Variants in IGSF11 observed in about 807,000 individuals in gnomAD.
IGSF11 encodes the protein immunoglobulin superfamily member 11, also known as CXADR like 1.
A neutral mutation model predicts 41.0 loss-of-function variants in IGSF11; 22 were observed. The observed-to-expected ratio is 0.54, with a 90% CI of 0.38 to 0.77. The LOEUF is 0.77. IGSF11 is among the 30% of genes least tolerant of loss of function. The pLI is 0.00. For missense variants in IGSF11, 444 were observed against 530.8 expected, an observed-to-expected ratio of 0.84 and a Z score of 1.61; for synonymous variants, 219 against 201.3, an observed-to-expected ratio of 1.09 and a Z score of -0.74.
chr3:118,904,726 G>A lies in IGSF11; in HGVS notation c.776C>T (p.Ala259Val). 2 of 1,612,994 alleles carry A rather than the reference G, an allele frequency of 1.2e-6. No homozygotes were observed. Among genetic ancestry groups the A allele is most frequent in the Non-Finnish European group, 1.7e-6 (2 of 1,179,286 alleles). ...GTAAAAGAATGCCCCTAAAATTAGT[G>A]CAATGCAAAAAATGATAATAACTGC... ...TGAVIIIFCI[A>V]LILGAFFYWR... Residue 259 changes from alanine to valine, a missense_variant, in exon 6 of 7, where the codon GCA becomes GTA. Physicochemically the swap from Ala to Val is moderately conservative, Grantham distance 64 (BLOSUM62 0). Coordinates refer to ENST00000393775, the MANE Select transcript of IGSF11 (RefSeq NM_001015887.3).
At chr3:119,130,345 C>G (rs1038401539) in intron 1 of IGSF11, among the ~76,000 whole-genome samples, 3 of 152,214 alleles carry the variant, frequency 2.0e-5, no homozygotes, top group Admixed American at 2.0e-4. Context: ...AATCGGTACA[C>G]TCTTGCCCAA....
At chr3:119,138,491 C>G (rs1351405906) in intron 1 of IGSF11, among the ~76,000 whole-genome samples, 1 of 152,184 alleles carries the variant, frequency 6.6e-6, no homozygotes, top group Admixed American at 6.5e-5. Context: ...TCGAGACCAG[C>G]CTGGCCAACA....
chr3:118,912,730 G>C (rs539495867), intron 4 of IGSF11, among the ~76,000 whole-genome samples: 2 of 152,284 alleles, frequency 1.3e-5, no homozygotes, highest in African/African-American at 4.8e-5. Context: ...AGCATACAAA[G>C]AGCATAAAGT....
chr3:118,997,614 T>G (rs1390333145), intron 1 of IGSF11, among the ~76,000 whole-genome samples: 1 of 141,422 alleles, frequency 7.1e-6, no homozygotes, highest in African/African-American at 2.6e-5. Context: ...TAATCATGAA[T>G]CTTACCTGAC....
intron 4 of IGSF11, among the ~76,000 whole-genome samples, chr3:118,914,090 T>A (rs970397188): frequency 2.6e-5 from 4 of 152,046 alleles, no homozygotes; most frequent in Non-Finnish European, 4.4e-5. Flanking sequence ...TTAAATCAAG[T>A]ATGCATTTGA....
intron 4 of IGSF11, among the ~76,000 whole-genome samples, chr3:118,920,052 T>C (rs867617105): frequency 0.012 from 1,586 of 137,130 alleles, 14 homozygotes; most frequent in Middle Eastern, 0.019. Flanking sequence ...TAGGTGGGAA[T>C]TGAACAATGA....
intron 1 of IGSF11, among the ~76,000 whole-genome samples, chr3:119,046,387 G>GGTAT (rs1458652387): frequency 2.0e-5 from 3 of 152,024 alleles, no homozygotes; most frequent in African/African-American, 7.3e-5. Flanking sequence ...TGGAAGAAAG[G>GGTAT]GTATCAGCAA....
chr3:119,099,612 G>C (rs1282688158), intron 1 of IGSF11, among the ~76,000 whole-genome samples: 1 of 152,198 alleles, frequency 6.6e-6, no homozygotes, highest in Non-Finnish European at 1.5e-5. Flanking sequence ...ATTACAGCTT[G>C]AATTTTGGAA....
intron 1 of IGSF11, among the ~76,000 whole-genome samples, chr3:118,932,262 G>C (rs1213668793): frequency 6.6e-6 from 1 of 152,168 alleles, no homozygotes; most frequent in Non-Finnish European, 1.5e-5. Flanking sequence ...AGTTATTTTA[G>C]ATCATGAAAA....
intron 6 of IGSF11, 59 bp from the exon 7 acceptor site, chr3:118,903,020 T>C: frequency 6.8e-7 from 1 of 1,460,468 alleles, no homozygotes; most frequent in Non-Finnish European, 9.4e-7. Context: ...CCTATCCTCC[T>C]ACCCTGGAAT....
Position 119,057,210 on chromosome 3 carries a change from A to T in IGSF11, c.49+47934T>A, listed in dbSNP as rs575979228. The stretch of plus-strand genomic sequence containing the variant: ...CCCTGTTTGCAGACGACATGACTGT[A>T]TATCTAGAAAACCCCATCGTCTCAG... On this transcript the variant is annotated intron_variant, in intron 1 of 6. Transcript: ENST00000354673. Among the ~76,000 whole-genome samples, 214 of 152,326 alleles carry T rather than the reference A, an allele frequency of 1.4e-3. 2 individuals are homozygous for T. The highest frequency in any genetic ancestry group is 4.7e-3 in the African/African-American group (194 of 41,570).
Position 118,970,766 on chromosome 3 carries a change from AC to A in IGSF11, c.53-40492del, listed in dbSNP as rs1458235352. Among the ~76,000 whole-genome samples, 8 of 149,536 alleles carry A rather than the reference AC, an allele frequency of 5.3e-5. No homozygotes were observed. In the South Asian group the frequency reaches 8.7e-4, roughly 16 times the overall value. On this transcript the variant is annotated intron_variant, in intron 1 of 6. Transcript: ENST00000393775. ...ACAGTTTTACAAAAAAAAAAAAAAAACCACAACTAATTTTAAAAGTTTTTAA... is the reference window on the plus strand; with the variant it reads ...ACAGTTTTACAAAAAAAAAAAAAAAACACAACTAATTTTAAAAGTTTTTAA...
At chr3:119,021,979 G>A (rs1576666277) in intron 1 of IGSF11, among the ~76,000 whole-genome samples, 2 of 152,274 alleles carry the variant, frequency 1.3e-5, no homozygotes, top group Middle Eastern at 3.4e-3. Flanking sequence ...CTGAAACCAA[G>A]GGAGTGGGAG....
chr3:119,091,496 CAT>C (rs1312157941), intron 1 of IGSF11, among the ~76,000 whole-genome samples: 1 of 152,186 alleles, frequency 6.6e-6, no homozygotes, highest in African/African-American at 2.4e-5. Context: ...AAATGTGATA[CAT>C]ATACACCATG....
intron 1 of IGSF11, among the ~76,000 whole-genome samples, chr3:119,072,704 A>T (rs373351663): frequency 2.0e-5 from 3 of 152,184 alleles, no homozygotes; most frequent in Admixed American, 6.5e-5. Flanking sequence ...GAGGCTGCAG[A>T]CCTTTGCGGT....
Position 118,902,217 on chromosome 3 carries a change from C to T in IGSF11, c.*303G>A, listed in dbSNP as rs1289195728. 7.7e-6 allele frequency: 2 copies of T among 261,358 alleles called. No homozygotes were observed. Among genetic ancestry groups the T allele is most frequent in the African/African-American group, 2.2e-5 (1 of 45,456 alleles). 16.2% of individuals were successfully genotyped at this position (261,358 alleles called of 1,614,324 possible). A position where few individuals can be genotyped will look rare whatever the true frequency, so the allele number is the denominator to read the frequency against. ...AGTTAGGCATGAAGAACAAGCCCAT[C>T]TGGGCGGCAGTTTGGATTTTAAGTA... On this transcript the variant is annotated 3_prime_UTR_variant, in exon 7 of 7. Coordinates refer to ENST00000393775, the MANE Select transcript of IGSF11 (RefSeq NM_001015887.3).
At chr3:118,938,827 A>G (rs1943470443) in intron 1 of IGSF11, among the ~76,000 whole-genome samples, 1 of 152,206 alleles carries the variant, frequency 6.6e-6, no homozygotes. Context: ...TCAAATAACT[A>G]AAACAGGCAT....
At chr3:118,968,625 A>T (rs777613610) in intron 1 of IGSF11, among the ~76,000 whole-genome samples, 10 of 152,222 alleles carry the variant, frequency 6.6e-5, no homozygotes, top group Non-Finnish European at 1.3e-4. Flanking sequence ...ATATTACACA[A>T]GACAGAGCAA....
intron 1 of IGSF11, among the ~76,000 whole-genome samples, chr3:119,048,502 T>C (rs1405691754): frequency 6.6e-6 from 1 of 152,214 alleles, no homozygotes; most frequent in Admixed American, 6.5e-5. Context: ...GTGGCAATAA[T>C]GAATAGCTTA....
Sources: allele counts gnomAD v4.1 joint callset (sites outside exome capture counted in the v4.1 genomes callset), GRCh38; gene constraint gnomAD v4.1.1; transcripts MANE v1.5; gene names NCBI Gene and HGNC (gene_info 2026-07-23, HGNC 2026-07-21).